The following TIA1 variants were observed in gnomAD, a reference collection of about 807,000 sequenced individuals.
The protein encoded by TIA1 is cytotoxic granule associated RNA binding protein TIA1.
Under a neutral mutation model 65.9 loss-of-function variants are expected in TIA1, and 23 were observed. The observed-to-expected ratio is 0.35, with a 90% CI of 0.25 to 0.49. The LOEUF (loss-of-function observed/expected upper bound fraction) is 0.49. TIA1 is among the 20% of genes least tolerant of loss of function. TIA1 has a pLI of 0.98. For synonymous variants in TIA1, 147 were observed against 149.4 expected (o/e 0.98, Z 0.12); for missense variants, 371 against 477.9 (o/e 0.78, Z 2.09).
chr2:70,237,132 G>C (rs1248967687), intron 1 of TIA1, among the ~76,000 whole-genome samples: 1 of 152,198 alleles, frequency 6.6e-6, no homozygotes, highest in Non-Finnish European at 1.5e-5. Flanking sequence ...GCTAGGTGTG[G>C]TGGCTCACGC....
Position 70,235,031 on chromosome 2 carries a change from G to GACAA in TIA1, c.123+1044_123+1047dup, listed in dbSNP as rs552786254. On this transcript the variant is annotated intron_variant, in intron 2 of 12. Transcript: ENST00000433529. ...GCTATACCAAGACCCTGTCTTTCAAGACAAACAAACAAACAAACAAACAAA... is the reference window on the plus strand; with the variant it reads ...GCTATACCAAGACCCTGTCTTTCAAGACAAACAAACAAACAAACAAACAAACAAA... Among the ~76,000 whole-genome samples, 76 of 152,028 alleles carry GACAA rather than the reference G, an allele frequency of 5.0e-4. 1 individual carries two copies. Among genetic ancestry groups the GACAA allele is most frequent in the African/African-American group, 9.2e-4 (38 of 41,460 alleles).
intron 1 of TIA1, among the ~76,000 whole-genome samples, chr2:70,245,238 C>T (rs1256435767): frequency 6.6e-6 from 1 of 152,194 alleles, no homozygotes; most frequent in Non-Finnish European, 1.5e-5. Flanking sequence ...CCACTCACCT[C>T]GGCTTCCCAA....
chr2:70,218,723 G>A (rs1244544022), intron 7 of TIA1, among the ~76,000 whole-genome samples: 1 of 152,172 alleles, frequency 6.6e-6, no homozygotes, highest in Admixed American at 6.5e-5. Flanking sequence ...GTGAGCCACC[G>A]CACCCGGCAA....
At chr2:70,217,693 G>T (rs1363457525) in intron 7 of TIA1, among the ~76,000 whole-genome samples, 2 of 151,978 alleles carry the variant, frequency 1.3e-5, no homozygotes, top group Admixed American at 1.3e-4. Flanking sequence ...CACTGTGCCC[G>T]GCCCTGGTCT....
intron 5 of TIA1, chr2:70,228,452 G>A (rs1172099768): frequency 3.1e-6 from 4 of 1,282,104 alleles, no homozygotes; most frequent in Non-Finnish European, 3.0e-6. Flanking sequence ...CCATGTGCAA[G>A]TGAACTAAGA....
At chr2:70,240,605 A>G (rs1221006470) in intron 1 of TIA1, among the ~76,000 whole-genome samples, 2 of 152,244 alleles carry the variant, frequency 1.3e-5, no homozygotes, top group Non-Finnish European at 2.9e-5. Flanking sequence ...ACAGTGGCTC[A>G]AGCCTGAAAT....
intron 2 of TIA1, among the ~76,000 whole-genome samples, chr2:70,235,853 T>C (rs1016161017): frequency 4.6e-5 from 7 of 152,188 alleles, no homozygotes; most frequent in East Asian, 1.9e-4. Flanking sequence ...TCTTCCATCA[T>C]GTAATAAAAC....
chr2:70,229,251 A>C lies in TIA1; in HGVS notation c.277+13T>G. The C allele has an allele frequency of 6.2e-7, 1 of 1,613,768 alleles. No homozygotes were observed. Among genetic ancestry groups the C allele is most frequent in the Non-Finnish European group, 8.5e-7 (1 of 1,179,822 alleles). ...ATAAAAACAAATGTTCAAAGAGCAT[A>C]AAATATACTTACTGCTTGTATCTTT... is the stretch of plus-strand genomic sequence containing the variant. On this transcript the variant is annotated intron_variant, in intron 4 of 12. Coordinates refer to ENST00000433529, the MANE Select transcript of TIA1 (RefSeq NM_022173.4).
At chr2:70,229,036 T>G (rs1684965871) in intron 5 of TIA1, 23 bp downstream of exon 5, 2 of 1,590,068 alleles carry the variant, frequency 1.3e-6, no homozygotes, top group Non-Finnish European at 1.7e-6. Flanking sequence ...GATTTCATTT[T>G]ATGTTTAAGA....
intron 2 of TIA1, among the ~76,000 whole-genome samples, chr2:70,235,588 T>C (rs59876127): frequency 0.067 from 9,262 of 137,990 alleles, 358 homozygotes; most frequent in East Asian, 0.2. Flanking sequence ...GTGTGTTTAA[T>C]ACATTGTCTC....
intron 1 of TIA1, among the ~76,000 whole-genome samples, chr2:70,241,212 C>G (rs777411214): frequency 6.6e-6 from 1 of 151,804 alleles, no homozygotes; most frequent in Admixed American, 6.6e-5. Context: ...TTTGGGAGAC[C>G]GAGGCGGATC....
chr2:70,238,747 T>C (rs568407895), intron 1 of TIA1, among the ~76,000 whole-genome samples: 6 of 152,202 alleles, frequency 3.9e-5, no homozygotes, highest in South Asian at 2.1e-4. Flanking sequence ...AAGACTGTGA[T>C]GATCTTCATT....
intron 3 of TIA1, 89 bp downstream of exon 3, chr2:70,230,667 A>AAT: frequency 3.9e-6 from 4 of 1,036,988 alleles, no homozygotes; most frequent in South Asian, 1.7e-5. Flanking sequence ...AAAAAAAAAA[A>AAT]GTGTTTAATG....
intron 1 of TIA1, among the ~76,000 whole-genome samples, chr2:70,240,350 A>G (rs1257131664): frequency 6.6e-6 from 1 of 152,222 alleles, no homozygotes; most frequent in Non-Finnish European, 1.5e-5. Flanking sequence ...AAACAATTCC[A>G]TGAATCCAGA....
chr2:70,222,452 C>T (rs1681873278), intron 7 of TIA1, among the ~76,000 whole-genome samples: 1 of 152,094 alleles, frequency 6.6e-6, no homozygotes, highest in Non-Finnish European at 1.5e-5. Context: ...GGCAGAGAAG[C>T]TAAGCTCAAT....
At chr2:70,245,399 A>G (rs1693852334) in intron 1 of TIA1, among the ~76,000 whole-genome samples, 1 of 152,230 alleles carries the variant, frequency 6.6e-6, no homozygotes, top group Admixed American at 6.5e-5. Flanking sequence ...TGCATTTGAG[A>G]GTAAACCACA....
intron 7 of TIA1, among the ~76,000 whole-genome samples, chr2:70,220,771 G>A (rs1680930498): frequency 1.3e-5 from 2 of 151,986 alleles, no homozygotes; most frequent in Admixed American, 6.6e-5. Flanking sequence ...GTGAATGGGA[G>A]ATAAAGTAGA....
chr2:70,215,983 T>A (rs1035614580), intron 10 of TIA1: 1 of 488,918 alleles, frequency 2.0e-6, no homozygotes, highest in Admixed American at 4.0e-5. Context: ...CTCAAACTCA[T>A]GACGGTGATC....
At chr2:70,244,313 T>C (rs906217147) in intron 1 of TIA1, among the ~76,000 whole-genome samples, 5 of 152,184 alleles carry the variant, frequency 3.3e-5, no homozygotes, top group Non-Finnish European at 7.3e-5. Context: ...CCCTGCATTA[T>C]GTTTCTCCAT....
Sources: allele counts gnomAD v4.1 joint callset (sites outside exome capture counted in the v4.1 genomes callset), GRCh38; gene constraint gnomAD v4.1.1; transcripts MANE v1.5; gene names NCBI Gene and HGNC (gene_info 2026-07-23, HGNC 2026-07-21).